Variants in MLLT3 observed in about 807,000 individuals in gnomAD.
MLLT3 encodes protein AF-9.
In MLLT3, 4 loss-of-function variants were observed where a neutral mutation model predicts 53.2. The ratio of observed to expected loss-of-function variants is 0.08; its 90% CI spans 0.04 to 0.17. The LOEUF (loss-of-function observed/expected upper bound fraction) is 0.17, where lower values mean the gene tolerates loss of function less well. MLLT3 is among the 10% of genes least tolerant of loss of function. The pLI, the probability that MLLT3 is intolerant of heterozygous loss-of-function variation, is 1.00. For missense variants in MLLT3, 569 were observed against 684.0 expected (o/e 0.83, Z 1.87); for synonymous variants, 283 against 230.6 (o/e 1.23, Z -2.06).
chr9:20,511,331 T>C (rs1471550931), intron 2 of MLLT3, among the ~76,000 whole-genome samples: 1 of 152,186 alleles, frequency 6.6e-6, no homozygotes, highest in Non-Finnish European at 1.5e-5. Flanking sequence ...TTGGAAAGAA[T>C]ATATGCAAAT....
rs142463089 is a variant in MLLT3 at position 20,541,579 on chromosome 9, A to T, written c.193+79075T>A. Among the ~76,000 whole-genome samples, 150 of 152,256 alleles carry T rather than the reference A, an allele frequency of 9.9e-4. 2 individuals are homozygous for T. The East Asian group carries it at 0.028, about 28-fold the overall frequency. On this transcript the variant is annotated intron_variant, in intron 2 of 10. Coordinates refer to ENST00000380338, the MANE Select transcript of MLLT3 (RefSeq NM_004529.4). The stretch of plus-strand genomic sequence containing the variant: ...TTTTAAAACTTCAGATCTCATGAGA[A>T]CTCACTATCATAAGGCCCGCATAGG...
chr9:20,578,047 C>G (rs1426285748), intron 2 of MLLT3, among the ~76,000 whole-genome samples: 1 of 152,190 alleles, frequency 6.6e-6, no homozygotes, highest in African/African-American at 2.4e-5. Context: ...CTACATACTA[C>G]TAAACAGAAA....
intron 4 of MLLT3, among the ~76,000 whole-genome samples, chr9:20,435,437 G>C (rs1199739104): frequency 1.3e-5 from 2 of 152,086 alleles, no homozygotes; most frequent in African/African-American, 4.8e-5. Context: ...AAGGGTTAAG[G>C]CTTGATAGAA....
At chr9:20,558,418 G>A (rs13288730) in intron 2 of MLLT3, among the ~76,000 whole-genome samples, 2,943 of 152,210 alleles carry the variant, frequency 0.019, 44 homozygotes, top group Non-Finnish European at 0.029. Context: ...TGTGATTACA[G>A]ACGTGAGCCA....
At chr9:20,468,508 G>A (rs532231213) in intron 2 of MLLT3, among the ~76,000 whole-genome samples, 2 of 152,212 alleles carry the variant, frequency 1.3e-5, no homozygotes, top group East Asian at 3.9e-4. Context: ...GGCTTCCGAG[G>A]TTATGTACTA....
intron 2 of MLLT3, among the ~76,000 whole-genome samples, chr9:20,483,673 A>C (rs1232949186): frequency 6.6e-6 from 1 of 150,484 alleles, no homozygotes. Flanking sequence ...TGTTACACTA[A>C]CGAGATAACA....
At chr9:20,361,760 C>T (rs1469222482) in intron 7 of MLLT3, among the ~76,000 whole-genome samples, 1 of 152,116 alleles carries the variant, frequency 6.6e-6, no homozygotes, top group East Asian at 1.9e-4. Context: ...TGTAGTCCTC[C>T]CTCAGAGATG....
In MLLT3 at chr9:20,342,086, G is replaced by C. The variant is rs1159632900; in HGVS notation, c.*4357C>G. Reference sequence around the variant, plus strand: ...AGATCTCCCCATCTATTCTTCTTTAGAAACAGCATCACTTCTTGAGAAAAG... The same window carrying C: ...AGATCTCCCCATCTATTCTTCTTTACAAACAGCATCACTTCTTGAGAAAAG... On this transcript the variant is annotated 3_prime_UTR_variant, in exon 11 of 11. Coordinates refer to ENST00000380338, the MANE Select transcript of MLLT3 (RefSeq NM_004529.4). 4.7e-6 allele frequency: 1 copy of C among 213,556 alleles called. No individual in the cohort carries two copies. 13.2% of individuals were successfully genotyped at this position (213,556 alleles called of 1,614,324 possible). A position where few individuals can be genotyped will look rare whatever the true frequency, so the allele number is the denominator to read the frequency against.
At chr9:20,534,335 T>C (rs955183180) in intron 2 of MLLT3, among the ~76,000 whole-genome samples, 5 of 152,184 alleles carry the variant, frequency 3.3e-5, no homozygotes, top group Non-Finnish European at 7.4e-5. Flanking sequence ...GCTTTCAACA[T>C]CTGAAAAAGA....
intron 4 of MLLT3, among the ~76,000 whole-genome samples, chr9:20,430,975 T>G (rs1461645969): frequency 1.3e-5 from 2 of 152,168 alleles, no homozygotes; most frequent in Non-Finnish European, 2.9e-5. Flanking sequence ...TTCAGCTTCA[T>G]TAATGAACAT....
intron 10 of MLLT3, among the ~76,000 whole-genome samples, chr9:20,351,456 C>A (rs1308737392): frequency 6.6e-6 from 1 of 152,224 alleles, no homozygotes; most frequent in African/African-American, 2.4e-5. Context: ...GTAATCACTT[C>A]TCTTGGTTTG....
chr9:20,509,919 G>C (rs946729397), intron 2 of MLLT3, among the ~76,000 whole-genome samples: 2 of 150,908 alleles, frequency 1.3e-5, no homozygotes, highest in African/African-American at 2.4e-5. Flanking sequence ...AACTTAGGCA[G>C]GCCAGTTGGC....
chr9:20,470,057 G>GA lies in MLLT3; in HGVS notation c.194-13272dup, dbSNP rs886200971. 2.0e-5 allele frequency among the ~76,000 whole-genome samples: 3 copies of GA among 151,948 alleles called. No individual in the cohort carries two copies. The East Asian group carries it at 5.8e-4, about 29-fold the overall frequency. On this transcript the variant is annotated intron_variant, in intron 2 of 10. Transcript: ENST00000380338. ...ATAAAAAGAAAAGAAATTTTATGAA[G>GA]AAAAAAACAGCAATTTGTTTCCCAA...
At chr9:20,414,884 G>A (rs1429086401) in intron 4 of MLLT3, among the ~76,000 whole-genome samples, 1 of 152,150 alleles carries the variant, frequency 6.6e-6, no homozygotes, top group Admixed American at 6.5e-5. Flanking sequence ...TCTGAATTAG[G>A]TCCTGGAGGA....
chr9:20,465,348 T>C (rs1423363168), intron 2 of MLLT3, among the ~76,000 whole-genome samples: 2 of 152,150 alleles, frequency 1.3e-5, no homozygotes, highest in African/African-American at 4.8e-5. Context: ...ATGGGTGTTG[T>C]TCTTTTAATA....
chr9:20,544,378 A>T (rs1296818035), intron 2 of MLLT3, among the ~76,000 whole-genome samples: 3 of 152,238 alleles, frequency 2.0e-5, no homozygotes, highest in Non-Finnish European at 4.4e-5. Flanking sequence ...AACCTATGAA[A>T]TGGGAATAAA....
At chr9:20,376,636 A>AG (rs746195644) in intron 5 of MLLT3, among the ~76,000 whole-genome samples, 10 of 152,174 alleles carry the variant, frequency 6.6e-5, no homozygotes, top group Non-Finnish European at 1.2e-4. Flanking sequence ...CTCGGGGAGC[A>AG]GGGGTCTATA....
At chr9:20,418,042 T>G (rs923752546) in intron 4 of MLLT3, among the ~76,000 whole-genome samples, 10 of 152,214 alleles carry the variant, frequency 6.6e-5, no homozygotes, top group Admixed American at 6.5e-4. Flanking sequence ...TCAATCATAT[T>G]TTGTTCAATG....
intron 2 of MLLT3, among the ~76,000 whole-genome samples, chr9:20,534,844 C>T (rs1818436800): frequency 6.6e-6 from 1 of 151,838 alleles, no homozygotes; most frequent in African/African-American, 2.4e-5. Context: ...TGAGATGATG[C>T]CACTGCACTC....
Sources: gnomAD v4.1 joint callset for allele counts (sites outside exome capture counted in the v4.1 genomes callset) on GRCh38, gnomAD v4.1.1 for gene constraint, MANE v1.5 for transcripts, NCBI Gene and HGNC (gene_info 2026-07-23, HGNC 2026-07-21) for gene names.